The following PCDHA7 variants were observed in gnomAD, a reference collection of about 807,000 sequenced individuals.
PCDHA7 encodes protocadherin alpha-7.
PCDHA7 carries 37 observed loss-of-function variants against 57.2 expected under a neutral mutation model. The observed-to-expected ratio is 0.65, with a 90% CI of 0.50 to 0.85. The LOEUF (loss-of-function observed/expected upper bound fraction) is 0.85, where lower values mean the gene tolerates loss of function less well. Among genes scored for constraint, PCDHA7 ranks in the 40% least tolerant of loss-of-function variants. The pLI is 0.00. For synonymous variants in PCDHA7, 553 were observed against 558.8 expected, an observed-to-expected ratio of 0.99 and a Z score of 0.15; for missense variants, 1,188 against 1,241.8, an observed-to-expected ratio of 0.96 and a Z score of 0.65.
intron 1 of PCDHA7, among the ~76,000 whole-genome samples, chr5:140,897,888 G>C (rs1554187649): frequency 6.6e-6 from 1 of 152,150 alleles, no homozygotes; most frequent in Non-Finnish European, 1.5e-5. Flanking sequence ...ATTCTAACTG[G>C]TGTGAGATGG....
At chr5:140,964,783 A>C (rs2095854085) in intron 1 of PCDHA7, among the ~76,000 whole-genome samples, 1 of 152,018 alleles carries the variant, frequency 6.6e-6, no homozygotes, top group East Asian at 1.9e-4. Context: ...AAGAGGAAGA[A>C]GCCAGAGACC....
At chr5:140,850,549 G>A in intron 1 of PCDHA7, 2 of 1,598,360 alleles carry the variant, frequency 1.3e-6, no homozygotes, top group Non-Finnish European at 1.7e-6. Flanking sequence ...GCGTCAGTGG[G>A]TGCCACGGGC....
At position 140,836,639 on chromosome 5, in the gene PCDHA7, G is replaced by A; in HGVS notation, c.2256G>A (p.Gln752=). ...CGGTGGGGAGCTGGTCATTCTCCCA[G>A]CAGAGGCGGCAGAGGGTGTGCTCTG... The part of the protein sequence containing the change: ...SSAVGSWSFS[Q]QRRQRVCSGE... The change falls in exon 1 of 4, where the codon CAG becomes CAA. Residue 752 remains glutamine, a synonymous_variant. Transcript: ENST00000525929. The A allele has an allele frequency of 6.2e-7, 1 of 1,613,412 alleles. No homozygotes were observed.
At position 140,960,349 on chromosome 5, in the gene PCDHA7, A is replaced by T. The variant is rs936485666; in HGVS notation, c.2356-18600A>T. Among the ~76,000 whole-genome samples, 8 of 152,238 alleles carry T rather than the reference A, an allele frequency of 5.3e-5. No homozygotes were observed. The East Asian group carries it at 1.3e-3, about 26-fold the overall frequency. ...GAGAAGTACATGAGGTGAGATATGTACTGAAATAATATGCCAACTCTTAAG... is the reference window on the plus strand; with the variant it reads ...GAGAAGTACATGAGGTGAGATATGTTCTGAAATAATATGCCAACTCTTAAG... On this transcript the variant is annotated intron_variant, in intron 1 of 3. Coordinates refer to ENST00000525929, the MANE Select transcript of PCDHA7 (RefSeq NM_018910.3).
intron 1 of PCDHA7, among the ~76,000 whole-genome samples, chr5:140,904,227 C>T (rs1373458999): frequency 5.9e-5 from 9 of 151,978 alleles, no homozygotes; most frequent in African/African-American, 2.2e-4. Context: ...TTGTATTATA[C>T]TTATGCCTTT....
At position 140,962,458 on chromosome 5, in the gene PCDHA7, G is replaced by A. The variant is rs535139362; in HGVS notation, c.2356-16491G>A. ...CCAAAGATGGCTTGAATCTCTTATG[G>A]CTTGAATCTCTTTGTTTATTCTAAG... On this transcript the variant is annotated intron_variant, in intron 1 of 3. Transcript: ENST00000525929. Among the ~76,000 whole-genome samples, 222 of 152,088 alleles carry A rather than the reference G, an allele frequency of 1.5e-3. 9 individuals carry two copies. In the South Asian group the frequency reaches 0.044, roughly 30 times the overall value.
At chr5:140,927,701 A>G (rs2084527211) in intron 1 of PCDHA7, 1 of 1,614,052 alleles carries the variant, frequency 6.2e-7, no homozygotes, top group South Asian at 1.1e-5. Context: ...GAAGTCCAGT[A>G]CTCCCTAAGC....
chr5:140,884,233 T>A (rs782019323), intron 1 of PCDHA7: 1 of 1,613,364 alleles, frequency 6.2e-7, no homozygotes. Flanking sequence ...AGGACCACGG[T>A]GAGCCCGCGC....
At position 140,852,910 on chromosome 5, in the gene PCDHA7, G is replaced by A. The variant is rs2150524838; in HGVS notation, c.2355+16172G>A. On this transcript the variant is annotated intron_variant, in intron 1 of 3. Transcript: ENST00000525929. The stretch of plus-strand genomic sequence containing the variant: ...ATTTTTTTTTTTGAGTCAGAGTCTC[G>A]CTCTGTTGCCCAGGCTGGAGTGCAG... 89 of 797,098 alleles carry A rather than the reference G, an allele frequency of 1.1e-4. 6 individuals carry two copies. Among genetic ancestry groups the A allele is most frequent in the Non-Finnish European group, 1.3e-4 (84 of 645,392 alleles). The allele number at this position is 797,098 out of a possible 1,614,324, so 49.4% of individuals were successfully genotyped here. A position where few individuals can be genotyped will look rare whatever the true frequency, so the allele number is the denominator to read the frequency against.
At position 140,982,438 on chromosome 5, in the gene PCDHA7, T is replaced by C. The variant is rs782761318; in HGVS notation, c.2415-37T>C. On this transcript the variant is annotated intron_variant, in intron 2 of 3. Coordinates refer to ENST00000525929, the MANE Select transcript of PCDHA7 (RefSeq NM_018910.3). ...GGAAGAAGAGATGGGAAAGAATTTA[T>C]GATCTAACCGTTATCTGGGTCTGTG... is the stretch of plus-strand genomic sequence containing the variant. The C allele has an allele frequency of 3.1e-6, 5 of 1,611,448 alleles. No individual in the cohort carries two copies. The South Asian group carries it at 5.5e-5, about 18-fold the overall frequency.
chr5:140,850,211 CACTGACGGCGCAGTG>C (rs2041429511), intron 1 of PCDHA7: 1 of 1,593,540 alleles, frequency 6.3e-7, no homozygotes, highest in Non-Finnish European at 8.6e-7. Context: ...GGATGAGGGG[CACTGACGGCGCAGTG>C]AGCGAGATGG....
chr5:140,851,247 G>A (rs1554145321), intron 1 of PCDHA7: 3 of 1,093,404 alleles, frequency 2.7e-6, no homozygotes. Flanking sequence ...GCTAAATGAT[G>A]CATAGTATTT....
chr5:141,000,393 C>CTATAAATATATA (rs1563650230), intron 3 of PCDHA7, among the ~76,000 whole-genome samples: 1 of 52,856 alleles, frequency 1.9e-5, no homozygotes, highest in African/African-American at 9.2e-5. Flanking sequence ...CTCTCTCTCT[C>CTATAAATATATA]TCTATATATA....
At position 140,835,589 on chromosome 5, in the gene PCDHA7, G is replaced by T. The variant is rs2150238885; in HGVS notation, c.1206G>T (p.Lys402Asn). Residue 402 changes from lysine to asparagine, a missense_variant, in exon 1 of 4, where the codon AAG becomes AAT. Lys to Asn is a moderately conservative substitution (Grantham distance 94). Around this residue, in one of 3 missense-constraint regions of PCDHA7, gnomAD observed 892 missense variants for 788.5 expected, o/e 1.13. Transcript: ENST00000525929. ...CCTTCAAGTTGGTGTCCACCTTCAA[G>T]AATTACTATTCATTGGTGCTGGACA... ...RVPFKLVSTF[K>N]NYYSLVLDSA... 2 of 1,613,920 alleles carry T rather than the reference G, an allele frequency of 1.2e-6. No individual in the cohort carries two copies. The highest frequency in any genetic ancestry group is 1.1e-5 in the South Asian group (1 of 91,068).
At chr5:140,880,764 G>T (rs1438457004) in intron 1 of PCDHA7, among the ~76,000 whole-genome samples, 1 of 152,198 alleles carries the variant, frequency 6.6e-6, no homozygotes, top group Non-Finnish European at 1.5e-5. Context: ...GCGTGTTGGA[G>T]GCTAAAAAGA....
chr5:140,875,039 A>C (rs1443862423), intron 1 of PCDHA7, among the ~76,000 whole-genome samples: 1 of 152,230 alleles, frequency 6.6e-6, no homozygotes, highest in East Asian at 1.9e-4. Flanking sequence ...TATTTGAAAG[A>C]TTTCTACTTT....
intron 1 of PCDHA7, chr5:140,969,591 T>C: frequency 2.4e-6 from 2 of 829,486 alleles, no homozygotes; most frequent in South Asian, 2.0e-5. Context: ...TTAGTCTTAA[T>C]ATTTAATGCT....
chr5:140,966,428 C>T (rs1297076694), intron 1 of PCDHA7: 6 of 423,554 alleles, frequency 1.4e-5, no homozygotes, highest in Non-Finnish European at 1.2e-5. Flanking sequence ...TTGCTGAGCC[C>T]TCCTACCGCT....
intron 1 of PCDHA7, chr5:140,869,471 T>C (rs1554163114): frequency 6.2e-7 from 1 of 1,613,696 alleles, no homozygotes; most frequent in South Asian, 1.1e-5. Flanking sequence ...AACGTGGAGG[T>C]GAAGGACATT....
Sources: allele counts gnomAD v4.1 joint callset (sites outside exome capture counted in the v4.1 genomes callset), GRCh38; gene constraint gnomAD v4.1.1; regional missense constraint gnomAD v4.1.1; transcripts MANE v1.5; gene names NCBI Gene and HGNC (gene_info 2026-07-23, HGNC 2026-07-21).